The following CADM1 variants were observed in gnomAD, a reference collection of about 807,000 sequenced individuals.
CADM1 encodes cell adhesion molecule 1, also known as TSLC-1.
Under a neutral mutation model 53.1 loss-of-function variants are expected in CADM1, and 15 were observed. The ratio of observed to expected loss-of-function variants is 0.28; its 90% confidence interval spans 0.19 to 0.44. The LOEUF is 0.44. CADM1 is among the 20% of genes least tolerant of loss of function. The probability of loss-of-function intolerance (pLI) is 1.00; values close to 1 mark genes in which losing one functional copy is unlikely to be tolerated. For synonymous variants in CADM1, 281 were observed against 243.0 expected, an observed-to-expected ratio of 1.16 and a Z score of -1.45; for missense variants, 434 against 611.3, an observed-to-expected ratio of 0.71 and a Z score of 3.06.
chr11:115,229,037 T>C lies in CADM1; in HGVS notation c.721+76A>G, dbSNP rs568789150. 1.0e-4 allele frequency: 137 copies of C among 1,362,110 alleles called. 1 individual carries two copies. The Admixed American group carries it at 2.1e-3, about 21-fold the overall frequency. 84.4% of individuals were successfully genotyped at this position (1,362,110 alleles called of 1,614,324 possible). On this transcript the variant is annotated intron_variant, in intron 5 of 11. Transcript: ENST00000331581. Reference sequence around the variant, plus strand: ...ATGTATACTATATAAAATGAATGCATTGAATAAATGGCTTCTGAAGAGTTT... The same window carrying C: ...ATGTATACTATATAAAATGAATGCACTGAATAAATGGCTTCTGAAGAGTTT...
chr11:115,190,578 A>G, intron 10 of CADM1: 1 of 274,614 alleles, frequency 3.6e-6, no homozygotes, highest in Non-Finnish European at 6.8e-6. Flanking sequence ...TTCTCCCGAC[A>G]CATTATATAT....
chr11:115,408,040 T>C (rs1012202129), intron 1 of CADM1, among the ~76,000 whole-genome samples: 1 of 152,042 alleles, frequency 6.6e-6, no homozygotes, highest in African/African-American at 2.4e-5. Context: ...GTGGTAGTAA[T>C]TTGCCTGTAG....
chr11:115,339,748 T>C (rs1488063459), intron 1 of CADM1, among the ~76,000 whole-genome samples: 1 of 152,156 alleles, frequency 6.6e-6, no homozygotes, highest in Admixed American at 6.5e-5. Flanking sequence ...ATTGGGCAAC[T>C]TTCAGCAAGT....
chr11:115,180,683 C>T (rs550051885), intron 10 of CADM1, among the ~76,000 whole-genome samples: 6 of 151,970 alleles, frequency 3.9e-5, no homozygotes, highest in Non-Finnish European at 8.8e-5. Flanking sequence ...GAGCATTCCC[C>T]GTGGGGTGCT....
At chr11:115,431,193 T>C (rs1234429834) in intron 1 of CADM1, among the ~76,000 whole-genome samples, 1 of 152,208 alleles carries the variant, frequency 6.6e-6, no homozygotes, top group Non-Finnish European at 1.5e-5. Flanking sequence ...AGTTTAACTT[T>C]GAAGACGCAA....
chr11:115,388,315 T>A (rs2135174429), intron 1 of CADM1, among the ~76,000 whole-genome samples: 1 of 152,192 alleles, frequency 6.6e-6, no homozygotes, highest in African/African-American at 2.4e-5. Flanking sequence ...TGCTAACTAC[T>A]GACTGGTAAA....
chr11:115,460,517 A>C lies in CADM1; in HGVS notation c.124+43754T>G, dbSNP rs111886715. The stretch of plus-strand genomic sequence containing the variant: ...ATTAACCTTTCGCTACTGGATTTAC[A>C]TAATTTTCTCTGAAGATCTCTAAAT... On this transcript the variant is annotated intron_variant, in intron 1 of 11. Coordinates refer to ENST00000331581, the MANE Select transcript of CADM1 (RefSeq NM_001301043.2). 3.6e-3 allele frequency among the ~76,000 whole-genome samples: 549 copies of C among 152,362 alleles called. 1 individual carries two copies. Among genetic ancestry groups the C allele is most frequent in the African/African-American group, 0.012 (514 of 41,582 alleles).
In CADM1 at chr11:115,169,482, C is replaced by T. The variant is rs748373223; in HGVS notation, c.*6992G>A. The T allele has an allele frequency of 6.8e-4, 278 of 410,550 alleles. 1 individual carries two copies. Among genetic ancestry groups the T allele is most frequent in the Non-Finnish European group, 1.2e-3 (253 of 205,576 alleles). 25.4% of individuals were successfully genotyped at this position (410,550 alleles called of 1,614,324 possible). A position where few individuals can be genotyped will look rare whatever the true frequency, so the allele number is the denominator to read the frequency against. On this transcript the variant is annotated 3_prime_UTR_variant, in exon 12 of 12. Transcript: ENST00000331581. Reference sequence around the variant, plus strand: ...ATGGGCTTTGGCAGGGAAGTAGGAGCAAAAAACCCAAGTAGGACATTTCAG... The same window carrying T: ...ATGGGCTTTGGCAGGGAAGTAGGAGTAAAAAACCCAAGTAGGACATTTCAG...
intron 1 of CADM1, among the ~76,000 whole-genome samples, chr11:115,476,357 C>T (rs1949130717): frequency 6.6e-6 from 1 of 152,054 alleles, no homozygotes; most frequent in Non-Finnish European, 1.5e-5. Flanking sequence ...CCAGATAATC[C>T]ACGATCATTT....
chr11:115,302,071 G>A (rs561651773), intron 1 of CADM1, among the ~76,000 whole-genome samples: 3 of 151,734 alleles, frequency 2.0e-5, no homozygotes, highest in Non-Finnish European at 2.9e-5. Flanking sequence ...ACATTACCAC[G>A]GTGCCTAGTA....
chr11:115,295,545 TATATA>T (rs72291182), intron 1 of CADM1, among the ~76,000 whole-genome samples: 3,026 of 61,914 alleles, frequency 0.049, 148 homozygotes, highest in East Asian at 0.25. Context: ...TATATATATA[TATATA>T]ATATATATGT....
intron 1 of CADM1, among the ~76,000 whole-genome samples, chr11:115,349,633 C>A (rs1945673368): frequency 1.3e-5 from 2 of 152,102 alleles, no homozygotes; most frequent in Admixed American, 1.3e-4. Context: ...GGTATTTTTG[C>A]CTGGAAGGAA....
chr11:115,404,844 GAAAAA>G (rs774430187), intron 1 of CADM1, among the ~76,000 whole-genome samples: 1 of 52,344 alleles, frequency 1.9e-5, no homozygotes, highest in Non-Finnish European at 4.0e-5. Flanking sequence ...CCTGCCTCAG[GAAAAA>G]AAAAAAAAAA....
At chr11:115,233,456 G>A (rs547460369) in intron 3 of CADM1, among the ~76,000 whole-genome samples, 3 of 152,270 alleles carry the variant, frequency 2.0e-5, no homozygotes, top group East Asian at 1.9e-4. Context: ...TGACAGTCAC[G>A]TAGGTTATAG....
At chr11:115,300,556 A>T (rs543158687) in intron 1 of CADM1, among the ~76,000 whole-genome samples, 1 of 152,278 alleles carries the variant, frequency 6.6e-6, no homozygotes, top group East Asian at 1.9e-4. Context: ...CAGAAAGCAC[A>T]TACTATCGAA....
chr11:115,240,424 A>T lies in CADM1; in HGVS notation c.125-4T>A. 2 of 1,613,112 alleles carry T rather than the reference A, an allele frequency of 1.2e-6. No homozygotes were observed. Among genetic ancestry groups the T allele is most frequent in the East Asian group, 2.2e-5 (1 of 44,822 alleles). ...GTAAACAGATTCTGCCCATCACCTT[A>T]AAAAAAGGGAAGAAAAGGTCAGAGG... On this transcript the variant is annotated splice_region_variant and splice_polypyrimidine_tract_variant and intron_variant, in intron 1 of 11. Coordinates refer to ENST00000331581, the MANE Select transcript of CADM1 (RefSeq NM_001301043.2).
chr11:115,302,140 G>A (rs192716320), intron 1 of CADM1, among the ~76,000 whole-genome samples: 1 of 151,944 alleles, frequency 6.6e-6, no homozygotes, highest in East Asian at 1.9e-4. Context: ...CACACACACC[G>A]GGGCCTATTG....
chr11:115,388,801 T>C (rs562640926), intron 1 of CADM1, among the ~76,000 whole-genome samples: 2 of 152,074 alleles, frequency 1.3e-5, no homozygotes, highest in Non-Finnish European at 1.5e-5. Context: ...CCCATTAAAG[T>C]AGATTGAAGA....
intron 1 of CADM1, among the ~76,000 whole-genome samples, chr11:115,350,026 C>A (rs1479409822): frequency 6.6e-6 from 1 of 152,056 alleles, no homozygotes; most frequent in Non-Finnish European, 1.5e-5. Context: ...GGCTGGAGTG[C>A]AGTGGCATGA....
Sources: allele counts gnomAD v4.1 joint callset (sites outside exome capture counted in the v4.1 genomes callset), GRCh38; gene constraint gnomAD v4.1.1; transcripts MANE v1.5; gene names NCBI Gene and HGNC (gene_info 2026-07-23, HGNC 2026-07-21).